The following EMC1 variants were observed in gnomAD, a reference collection of about 807,000 sequenced individuals.
The protein encoded by EMC1 is ER membrane protein complex subunit 1.
A neutral mutation model predicts 128.8 loss-of-function variants in EMC1; 103 were observed. The observed-to-expected ratio is 0.80, with a 90% confidence interval of 0.68 to 0.94. The LOEUF is 0.94. Among genes scored for constraint, EMC1 ranks in the 40% least tolerant of loss-of-function variants. The pLI is 0.00. For missense variants in EMC1, 1,083 were observed against 1,250.6 expected (o/e 0.87, Z 2.02); for synonymous variants, 442 against 490.4 (o/e 0.90, Z 1.30).
rs528869760 is a variant in EMC1 at position 19,223,390 on chromosome 1, G to A, written c.2376+6C>T. 145 of 1,612,638 alleles carry A rather than the reference G, an allele frequency of 9.0e-5. 3 individuals carry two copies. The South Asian group carries it at 1.3e-3, about 15-fold the overall frequency. On this transcript the variant is annotated splice_donor_region_variant and intron_variant, in intron 19 of 22. Coordinates refer to ENST00000477853, the MANE Select transcript of EMC1 (RefSeq NM_015047.3). ...CTACCTTGGGTCCCTGGTAGTGACCGCTTACCACCACCCAGTTCTCTGAAT... is the reference window on the plus strand; with the variant it reads ...CTACCTTGGGTCCCTGGTAGTGACCACTTACCACCACCCAGTTCTCTGAAT...
rs753129813 is a variant in EMC1, at chr1:19,219,656, G to A, written c.2715C>T (p.His905=). 3.3e-5 allele frequency: 54 copies of A among 1,613,904 alleles called. 1 individual carries two copies. In the South Asian group the frequency reaches 3.6e-4, roughly 11 times the overall value. Residue 905 remains histidine (H), a synonymous_variant, in exon 22 of 23, where the codon CAC becomes CAT. Transcript: ENST00000477853. Reference sequence around the variant, plus strand: ...GGTTATAGTTGATGAATCGCTCTGCGTGTATCTGTACATCTGGAGAATACG... The same window carrying A: ...GGTTATAGTTGATGAATCGCTCTGCATGTATCTGTACATCTGGAGAATACG... ...LIPYSPDVQI[H]AERFINYNQT...
In EMC1 at chr1:19,243,655, GTTA is replaced by G. The variant is rs747568977; in HGVS notation, c.336_338del (p.Asn113del). On this transcript the variant is annotated inframe_deletion, in exon 4 of 23. Transcript: ENST00000477853. ...TTATCTCCCAGTTCAGGCCCCCGAT[GTTA>G]GTCTCCCAGGAACGCATGATTCGGC... 1.1e-5 allele frequency: 17 copies of G among 1,614,032 alleles called. No individual in the cohort carries two copies. The highest frequency in any genetic ancestry group is 3.3e-4 in the Middle Eastern group (2 of 6,084).
intron 9 of EMC1, 74 bp downstream of exon 9, chr1:19,239,157 T>C (rs866886595): frequency 7.8e-6 from 11 of 1,413,314 alleles, no homozygotes; most frequent in Middle Eastern, 1.8e-4. Context: ...GTGCCCAGAC[T>C]TCTGATTTTC....
At chr1:19,246,281 T>G (rs1000638827) in intron 1 of EMC1, among the ~76,000 whole-genome samples, 2 of 150,890 alleles carry the variant, frequency 1.3e-5, no homozygotes, top group Non-Finnish European at 3.0e-5. Flanking sequence ...TCCCAACTAC[T>G]CGGGAGGCTG....
At position 19,235,111 on chromosome 1, in the gene EMC1, C is replaced by T. The variant is rs2093553159; in HGVS notation, c.1432+19G>A. The stretch of plus-strand genomic sequence containing the variant: ...GGCCCCTCCAGCAACTCTGCAGCTC[C>T]AACCTCTTAGGTTCATACCTGCCTT... On this transcript the variant is annotated intron_variant, in intron 13 of 22. Coordinates refer to ENST00000477853, the MANE Select transcript of EMC1 (RefSeq NM_015047.3). 6.2e-7 allele frequency: 1 copy of T among 1,612,030 alleles called. No individual in the cohort carries two copies. Among genetic ancestry groups the T allele is most frequent in the Non-Finnish European group, 8.5e-7 (1 of 1,178,942 alleles).
intron 17 of EMC1, among the ~76,000 whole-genome samples, chr1:19,228,193 G>A (rs1373248505): frequency 3.3e-5 from 4 of 120,902 alleles, no homozygotes; most frequent in South Asian, 2.6e-4. Context: ...CAACAAGAGC[G>A]AAACTCCGGC....
At chr1:19,220,710 T>G in intron 21 of EMC1, 54 bp downstream of exon 21, 138 of 1,349,748 alleles carry the variant, frequency 1.0e-4, no homozygotes, top group Middle Eastern at 1.9e-4. Context: ...GCTTAATCAG[T>G]GAGGTTAAGT....
intron 18 of EMC1, among the ~76,000 whole-genome samples, chr1:19,226,974 C>A (rs2093479439): frequency 6.6e-6 from 1 of 151,944 alleles, no homozygotes; most frequent in African/African-American, 2.4e-5. Flanking sequence ...CTGCAGTGAG[C>A]CATGACTGCA....
intron 1 of EMC1, among the ~76,000 whole-genome samples, chr1:19,250,189 C>G (rs1313907863): frequency 1.4e-5 from 2 of 142,950 alleles, no homozygotes. Context: ...CATTACACTC[C>G]AGCCTGGGCA....
chr1:19,247,026 G>T (rs1414030277), intron 1 of EMC1, among the ~76,000 whole-genome samples: 1 of 152,214 alleles, frequency 6.6e-6, no homozygotes, highest in Admixed American at 6.5e-5. Flanking sequence ...GATACAGCAA[G>T]AAGGCAGCCT....
chr1:19,245,152 T>C, intron 1 of EMC1, 122 bp from the exon 2 acceptor site: 1 of 1,145,712 alleles, frequency 8.7e-7, no homozygotes, highest in East Asian at 2.6e-5. Flanking sequence ...AAGACGTGTT[T>C]GTTAGCTGGG....
At position 19,239,283 on chromosome 1, in the gene EMC1, G is replaced by A; in HGVS notation, c.974C>T (p.Ala325Val). The A allele has an allele frequency of 6.2e-7, 1 of 1,614,112 alleles. No homozygotes were observed. The highest frequency in any genetic ancestry group is 2.2e-5 in the East Asian group (1 of 44,886). Reference sequence around the variant, plus strand: ...AGCCACCGTCTTCTCCCCAGTGGTGGCAAAGCTCACTAGGGCAGTCTGGGG... The same window carrying A: ...AGCCACCGTCTTCTCCCCAGTGGTGACAAAGCTCACTAGGGCAGTCTGGGG... Reference protein sequence around the residue: ...NFPQTALVSFATTGEKTVAAV... With the variant: ...NFPQTALVSFVTTGEKTVAAV... Residue 325 changes from alanine (A) to valine (V), a missense_variant, in exon 9 of 23, where the codon GCC (alanine) becomes GTC (valine). By Grantham distance (64) the Ala-to-Val change is moderately conservative (BLOSUM62 0). Coordinates refer to ENST00000477853, the MANE Select transcript of EMC1 (RefSeq NM_015047.3).
chr1:19,239,110 G>T, intron 9 of EMC1, 121 bp downstream of exon 9: 1 of 913,822 alleles, frequency 1.1e-6, no homozygotes, highest in Non-Finnish European at 1.8e-6. Flanking sequence ...CTTCTCAACA[G>T]CCTCCTGCCC....
At chr1:19,244,082 A>C in intron 2 of EMC1, 67 bp from the exon 3 acceptor site, 1 of 1,477,668 alleles carries the variant, frequency 6.8e-7, no homozygotes, top group African/African-American at 1.4e-5. Context: ...TAAGAAATAA[A>C]TGAAGAGCTC....
intron 13 of EMC1, 60 bp from the exon 14 acceptor site, chr1:19,233,195 T>G: frequency 3.0e-5 from 43 of 1,441,018 alleles, no homozygotes; most frequent in Non-Finnish European, 3.5e-5. Context: ...AGGAGGTACA[T>G]GATTTTCCTA....
intron 17 of EMC1, among the ~76,000 whole-genome samples, chr1:19,229,001 G>A (rs564458523): frequency 3.9e-5 from 6 of 152,046 alleles, no homozygotes; most frequent in East Asian, 1.9e-4. Context: ...CTGAGACTGC[G>A]CCCCTGCACT....
intron 18 of EMC1, among the ~76,000 whole-genome samples, chr1:19,224,183 C>T (rs1399139045): frequency 1.3e-5 from 2 of 152,198 alleles, no homozygotes; most frequent in African/African-American, 2.4e-5. Context: ...TGGTGGAACA[C>T]ATCAGAAAGC....
In EMC1 at chr1:19,227,196, G is replaced by A. The variant is rs1290129671; in HGVS notation, c.2202+117C>T. The A allele has an allele frequency of 7.1e-6, 8 of 1,127,330 alleles. No homozygotes were observed. In the East Asian group the frequency reaches 1.3e-4, roughly 18 times the overall value. The allele number at this position is 1,127,330 out of a possible 1,614,324, so 69.8% of individuals were successfully genotyped here. On this transcript the variant is annotated intron_variant, in intron 18 of 22. Coordinates refer to ENST00000477853, the MANE Select transcript of EMC1 (RefSeq NM_015047.3). Reference sequence around the variant, plus strand: ...TCACAAACAAAAATTAAGGCTCAAAGGGATTAAATGACTTACTCAAGGTCA... The same window carrying A: ...TCACAAACAAAAATTAAGGCTCAAAAGGATTAAATGACTTACTCAAGGTCA...
chr1:19,240,764 C>G, intron 6 of EMC1: 1 of 576,828 alleles, frequency 1.7e-6, no homozygotes, highest in South Asian at 2.3e-5. Context: ...TGTGATTTCA[C>G]AGCACTGTAA....
Sources: allele counts gnomAD v4.1 joint callset (sites outside exome capture counted in the v4.1 genomes callset), GRCh38; gene constraint gnomAD v4.1.1; transcripts MANE v1.5; gene names NCBI Gene and HGNC (gene_info 2026-07-23, HGNC 2026-07-21).